The following SPATA21 variants were observed in gnomAD, a reference collection of about 807,000 sequenced individuals.
The protein encoded by SPATA21 is spermatogenesis-associated protein 21.
In SPATA21, 47 loss-of-function variants were observed where a neutral mutation model predicts 54.8. The ratio of observed to expected loss-of-function variants is 0.86; its 90% CI spans 0.68 to 1.09. The LOEUF is 1.09. SPATA21 is among the 50% of genes least tolerant of loss of function. The probability of loss-of-function intolerance (pLI) is 0.00; values close to 1 mark genes in which losing one functional copy is unlikely to be tolerated. For synonymous variants in SPATA21, 245 were observed against 235.3 expected (o/e 1.04, Z -0.38); for missense variants, 599 against 596.4 (o/e 1.00, Z -0.05).
Position 16,422,035 on chromosome 1 carries a change from T to C in SPATA21, c.35-64A>G. 5 of 1,613,360 alleles carry C rather than the reference T, an allele frequency of 3.1e-6. No individual in the cohort carries two copies. The South Asian group carries it at 5.5e-5, about 18-fold the overall frequency. On this transcript the variant is annotated intron_variant, in intron 3 of 12. Transcript: ENST00000335496. ...GAGCTGTCCCCATGTCCCCCTGGGC[T>C]GGGCTCTGGCGGAGCCTCCTGTGGC...
chr1:16,404,906 G>A (rs1159251578), intron 8 of SPATA21, 61 bp downstream of exon 8: 3 of 1,498,766 alleles, frequency 2.0e-6, no homozygotes, highest in Non-Finnish European at 2.7e-6. Flanking sequence ...CAACTGCACA[G>A]GTTTCAAGCC....
intron 3 of SPATA21, among the ~76,000 whole-genome samples, chr1:16,423,732 C>T (rs1331546535): frequency 4.0e-5 from 6 of 151,552 alleles, no homozygotes; most frequent in South Asian, 2.1e-4. Flanking sequence ...TTAGTAGAGA[C>T]GGGGTTTCAC....
chr1:16,431,599 C>T (rs934372456), intron 2 of SPATA21, among the ~76,000 whole-genome samples, 177 bp from the exon 3 acceptor site: 2 of 152,174 alleles, frequency 1.3e-5, no homozygotes, highest in East Asian at 1.9e-4. Context: ...TTTACCCATA[C>T]GCTTTTCCTA....
At position 16,403,806 on chromosome 1, in the gene SPATA21, G is replaced by C; in HGVS notation, c.922C>G (p.His308Asp). 6.2e-7 allele frequency: 1 copy of C among 1,611,798 alleles called. No homozygotes were observed. Among genetic ancestry groups the C allele is most frequent in the South Asian group, 1.1e-5 (1 of 90,692 alleles). ...ALSDMAPHNP[H>D]TLLFEILSLL... ...GACAGGATCTCAAAGAGTAGAGTGT[G>C]GGGGTTGTGGGGAGCCATGTCCGAC... Residue 308 changes from histidine to aspartate, a missense_variant, in exon 10 of 13, where the codon CAC (histidine) becomes GAC (aspartate). Transcript: ENST00000335496.
intron 3 of SPATA21, chr1:16,422,255 A>G (rs2086194460): frequency 7.3e-7 from 1 of 1,368,100 alleles, no homozygotes; most frequent in South Asian, 1.6e-5. Flanking sequence ...GTGAACCTCA[A>G]TGCTCCAGGC....
rs896751303 is a variant in SPATA21 at position 16,400,951 on chromosome 1, C to A, written c.1002-59G>T. ...CTGTGTTTAATTCACCCTTCTCCTC[C>A]TCAGCCCCTATCTCTCTGGCCAGCT... is the stretch of plus-strand genomic sequence containing the variant. On this transcript the variant is annotated intron_variant, in intron 10 of 12. Coordinates refer to ENST00000335496, the MANE Select transcript of SPATA21 (RefSeq NM_198546.1). 98 of 1,562,302 alleles carry A rather than the reference C, an allele frequency of 6.3e-5. No individual in the cohort carries two copies. In the Middle Eastern group the frequency reaches 8.0e-4, roughly 13 times the overall value.
At chr1:16,406,056 A>G (rs2085630049) in intron 7 of SPATA21, among the ~76,000 whole-genome samples, 1 of 152,090 alleles carries the variant, frequency 6.6e-6, no homozygotes, top group South Asian at 2.1e-4. Context: ...ACTCAAACCA[A>G]ACCCTTGGCC....
intron 2 of SPATA21, among the ~76,000 whole-genome samples, chr1:16,432,088 C>CT (rs2086471565): frequency 6.7e-6 from 1 of 148,764 alleles, no homozygotes; most frequent in African/African-American, 2.5e-5. Flanking sequence ...CTTTCTTTTT[C>CT]TTTTTCTTTT....
intron 5 of SPATA21, among the ~76,000 whole-genome samples, chr1:16,410,376 G>A (rs1426566349): frequency 4.6e-5 from 7 of 151,948 alleles, no homozygotes; most frequent in Non-Finnish European, 8.8e-5. Flanking sequence ...CTCCAGAGAA[G>A]CTGGGACTAC....
chr1:16,404,743 G>A (rs1195153169), intron 8 of SPATA21, among the ~76,000 whole-genome samples: 2 of 152,140 alleles, frequency 1.3e-5, no homozygotes, highest in African/African-American at 2.4e-5. Flanking sequence ...CTAGGAGGTC[G>A]AGGCTGTGGT....
chr1:16,430,087 A>AGCCTGGG (rs1487808345), intron 3 of SPATA21, among the ~76,000 whole-genome samples: 11 of 140,764 alleles, frequency 7.8e-5, no homozygotes, highest in Non-Finnish European at 1.5e-4. Context: ...ATTGCACTCC[A>AGCCTGGG]GCCTGGGTGA....
At chr1:16,417,743 T>C (rs937339152) in intron 5 of SPATA21, among the ~76,000 whole-genome samples, 5 of 151,820 alleles carry the variant, frequency 3.3e-5, no homozygotes, top group Non-Finnish European at 5.9e-5. Context: ...CCATTTTTTG[T>C]GTTTTTAATA....
intron 3 of SPATA21, among the ~76,000 whole-genome samples, chr1:16,430,736 C>G (rs2086438318): frequency 6.6e-6 from 1 of 152,198 alleles, no homozygotes; most frequent in Non-Finnish European, 1.5e-5. Flanking sequence ...AGTGGAGCCA[C>G]CTATCACCTC....
intron 1 of SPATA21, among the ~76,000 whole-genome samples, chr1:16,435,636 A>G (rs553855282): frequency 1.4e-5 from 2 of 143,990 alleles, no homozygotes; most frequent in Admixed American, 7.0e-5. Context: ...TTTTTTTTTC[A>G]GACAGGGTCT....
Position 16,402,522 on chromosome 1 carries a change from A to G in SPATA21, c.1001+1205T>C, listed in dbSNP as rs531179153. Among the ~76,000 whole-genome samples, 423 of 151,280 alleles carry G rather than the reference A, an allele frequency of 2.8e-3. 1 individual carries two copies. Among genetic ancestry groups the G allele is most frequent in the Non-Finnish European group, 4.7e-3 (316 of 67,778 alleles). ...GTGATCCGCCCACCGCGGCCTCCCAAAGTGCTGGGATTACAGGCATGAGCC... is the reference window on the plus strand; with the variant it reads ...GTGATCCGCCCACCGCGGCCTCCCAGAGTGCTGGGATTACAGGCATGAGCC... On this transcript the variant is annotated intron_variant, in intron 10 of 12. Coordinates refer to ENST00000335496, the MANE Select transcript of SPATA21 (RefSeq NM_198546.1).
chr1:16,403,910 C>A, intron 9 of SPATA21, 58 bp downstream of exon 9: 1 of 1,613,244 alleles, frequency 6.2e-7, no homozygotes, highest in East Asian at 2.2e-5. Flanking sequence ...TCTCTCCCCG[C>A]AACCAACCTC....
At chr1:16,435,050 TCTCA>T (rs1204133692) in intron 1 of SPATA21, among the ~76,000 whole-genome samples, 3 of 151,910 alleles carry the variant, frequency 2.0e-5, no homozygotes, top group African/African-American at 7.3e-5. Context: ...TAGATGGGAA[TCTCA>T]CTATGTTGTC....
In SPATA21 at chr1:16,428,563, T is replaced by A. The variant is rs533807294; in HGVS notation, c.34+2775A>T. On this transcript the variant is annotated intron_variant, in intron 3 of 12. Transcript: ENST00000335496. This position sits in a 1 kb window ranked among gnomAD's most constrained non-coding sequence, Gnocchi z 4.3. ...CGCCACCATGCCCAACTAATTTTTT[T>A]TTTTTATTTTTTTTGTAGGCCAGGC... 1.9e-3 allele frequency among the ~76,000 whole-genome samples: 287 copies of A among 151,814 alleles called. 1 individual carries two copies. The highest frequency in any genetic ancestry group is 3.3e-3 in the Non-Finnish European group (227 of 67,996).
downstream of SPATA21, chr1:16,395,979 G>A (rs1324020878): frequency 6.6e-6 from 1 of 152,636 alleles, no homozygotes; most frequent in Admixed American, 6.5e-5. Flanking sequence ...TAGTATTTTG[G>A]GAGATAGGGA....
Sources: gnomAD v4.1 joint callset for allele counts (sites outside exome capture counted in the v4.1 genomes callset) on GRCh38, gnomAD v4.1.1 for gene constraint, Gnocchi (gnomAD v3.1) non-coding constraint, MANE v1.5 for transcripts, NCBI Gene and HGNC (gene_info 2026-07-23, HGNC 2026-07-21) for gene names.